ADGRL3: variants seen among roughly 807,000 people sequenced by gnomAD.
ADGRL3 encodes calcium-independent alpha-latrotoxin receptor 3.
Under a neutral mutation model 153.5 loss-of-function variants are expected in ADGRL3, and 62 were observed. The ratio of observed to expected loss-of-function variants is 0.40; its 90% CI spans 0.33 to 0.50. The LOEUF is 0.50. Ranked by LOEUF, ADGRL3 falls within the 20% of genes least tolerant of loss-of-function variation. ADGRL3 has a pLI of 0.47. For synonymous variants in ADGRL3, 710 were observed against 672.5 expected (o/e 1.06, Z -0.86); for missense variants, 1,641 against 1,859.4 (o/e 0.88, Z 2.16).
intron 1 of ADGRL3, among the ~76,000 whole-genome samples, chr4:61,256,369 TGG>T (rs2091968745): frequency 6.6e-6 from 1 of 152,208 alleles, no homozygotes. Flanking sequence ...CAGCATTTGT[TGG>T]ATAATTAGGA....
At chr4:61,433,367 A>ATTTTTT (rs1560625072) in intron 2 of ADGRL3, among the ~76,000 whole-genome samples, 892 of 80,232 alleles carry the variant, frequency 0.011, 3 homozygotes, top group Middle Eastern at 0.028. Flanking sequence ...TTTTTTTTTA[A>ATTTTTT]AAAAAAATCA....
At chr4:61,772,672 T>C (rs1465938121) in intron 8 of ADGRL3, among the ~76,000 whole-genome samples, 4 of 152,176 alleles carry the variant, frequency 2.6e-5, no homozygotes, top group Non-Finnish European at 4.4e-5. Context: ...CTGATTCCTC[T>C]TTCCCCTCCA....
chr4:61,295,804 T>TAAAAA (rs56672796), intron 1 of ADGRL3, among the ~76,000 whole-genome samples: 1 of 140,864 alleles, frequency 7.1e-6, no homozygotes, highest in African/African-American at 2.6e-5. Flanking sequence ...TACACAGATT[T>TAAAAA]AAAAAAAAAA....
intron 1 of ADGRL3, among the ~76,000 whole-genome samples, chr4:61,293,119 A>G (rs143035372): frequency 1.6e-4 from 24 of 152,274 alleles, no homozygotes; most frequent in African/African-American, 5.5e-4. Flanking sequence ...CTGCTGAGAC[A>G]CGTTGTGTAG....
At chr4:61,595,303 C>A (rs2098984535) in intron 5 of ADGRL3, among the ~76,000 whole-genome samples, 1 of 152,138 alleles carries the variant, frequency 6.6e-6, no homozygotes, top group Non-Finnish European at 1.5e-5. Context: ...CGTCTCAGAG[C>A]CCAAGGCCCA....
intron 11 of ADGRL3, among the ~76,000 whole-genome samples, chr4:61,908,755 A>G (rs2098708367): frequency 6.6e-6 from 1 of 152,192 alleles, no homozygotes. Context: ...AACAAAGAAG[A>G]TTATAACTTG....
At chr4:61,258,651 T>C (rs2092231522) in intron 1 of ADGRL3, among the ~76,000 whole-genome samples, 1 of 152,194 alleles carries the variant, frequency 6.6e-6, no homozygotes, top group Admixed American at 6.5e-5. Context: ...TTATATACAA[T>C]GAAATCAGTG....
intron 4 of ADGRL3, among the ~76,000 whole-genome samples, chr4:61,542,078 T>C (rs2098692867): frequency 6.6e-6 from 1 of 152,178 alleles, no homozygotes; most frequent in Non-Finnish European, 1.5e-5. Context: ...AAGTTAACTA[T>C]ATAGATTTTT....
intron 17 of ADGRL3, among the ~76,000 whole-genome samples, chr4:61,977,294 T>C (rs1233604479): frequency 6.6e-6 from 1 of 152,040 alleles, no homozygotes; most frequent in Non-Finnish European, 1.5e-5. Context: ...TTTTCCATTA[T>C]GAAAGACTGC....
intron 1 of ADGRL3, among the ~76,000 whole-genome samples, chr4:61,207,219 C>G (rs1338515965): frequency 6.6e-6 from 1 of 152,072 alleles, no homozygotes; most frequent in African/African-American, 2.4e-5. Flanking sequence ...CTGCAACAGG[C>G]CCAGGTGTAT....
intron 4 of ADGRL3, among the ~76,000 whole-genome samples, chr4:61,568,360 A>G (rs1052931687): frequency 3.3e-5 from 5 of 152,154 alleles, no homozygotes; most frequent in Non-Finnish European, 7.4e-5. Flanking sequence ...TTATATTAAT[A>G]CTTTGTAACT....
chr4:61,563,958 G>A (rs1055910214), intron 4 of ADGRL3, among the ~76,000 whole-genome samples: 4 of 152,040 alleles, frequency 2.6e-5, no homozygotes, highest in Non-Finnish European at 5.9e-5. Flanking sequence ...GCAGTGAGCC[G>A]AGATGGCACC....
At chr4:61,690,184 C>A (rs1431093680) in intron 6 of ADGRL3, among the ~76,000 whole-genome samples, 1 of 152,106 alleles carries the variant, frequency 6.6e-6, no homozygotes, top group Non-Finnish European at 1.5e-5. Flanking sequence ...GTGGCTCACA[C>A]CTATAATACC....
At chr4:61,591,642 CTTTT>C (rs2098969662) in intron 5 of ADGRL3, among the ~76,000 whole-genome samples, 1 of 151,936 alleles carries the variant, frequency 6.6e-6, no homozygotes, top group Admixed American at 6.6e-5. Flanking sequence ...AAAAATATTT[CTTTT>C]GAGTTTTCTA....
Position 62,076,177 on chromosome 4 carries a change from T to A in ADGRL3, c.*5269T>A, listed in dbSNP as rs528167425. ...TTCCTTCTTTATTTAAAAAAAAATT[T>A]AAAAGTCAGCACTTCTTTCACATCT... On this transcript the variant is annotated 3_prime_UTR_variant, in exon 27 of 27. Transcript: ENST00000683033. The A allele has an allele frequency of 3.3e-5, 5 of 152,250 alleles. No homozygotes were observed. In the South Asian group the frequency reaches 1.0e-3, roughly 32 times the overall value. The allele number at this position is 152,250 out of a possible 1,614,324, so 9.4% of individuals were successfully genotyped here.
At chr4:61,312,923 A>G (rs1560461015) in intron 1 of ADGRL3, among the ~76,000 whole-genome samples, 1 of 152,162 alleles carries the variant, frequency 6.6e-6, no homozygotes, top group Non-Finnish European at 1.5e-5. Flanking sequence ...CTTCACATTA[A>G]TGTTTGCAGC....
chr4:61,555,156 G>T (rs1371965078), intron 4 of ADGRL3, among the ~76,000 whole-genome samples: 1 of 152,152 alleles, frequency 6.6e-6, no homozygotes, highest in Non-Finnish European at 1.5e-5. Context: ...GAGGAAAGCA[G>T]AGAGAGCTCC....
At chr4:61,459,939 T>A (rs2097791072) in intron 2 of ADGRL3, among the ~76,000 whole-genome samples, 1 of 152,070 alleles carries the variant, frequency 6.6e-6, no homozygotes, top group African/African-American at 2.4e-5. Context: ...ATTATTTGGG[T>A]TTTTTGCTGT....
At chr4:61,946,506 TGATA>T (rs149215731) in intron 15 of ADGRL3, among the ~76,000 whole-genome samples, 394 of 152,300 alleles carry the variant, frequency 2.6e-3, no homozygotes, top group Non-Finnish European at 4.8e-3. Flanking sequence ...TGATATATTT[TGATA>T]GATTGTTGGT....
Sources: gnomAD v4.1 joint callset for allele counts (sites outside exome capture counted in the v4.1 genomes callset) on GRCh38, gnomAD v4.1.1 for gene constraint, MANE v1.5 for transcripts, NCBI Gene and HGNC (gene_info 2026-07-23, HGNC 2026-07-21) for gene names.